SPMIP2: variants seen among roughly 807,000 people sequenced by gnomAD.
The protein encoded by SPMIP2 is sperm microtubule inner protein 2, also known as protein SPMIP2.
At chr4:159,054,208 C>G in the SPMIP2 span, among the ~76,000 whole-genome samples, 6 of 151,808 alleles carry the variant, frequency 4.0e-5, no homozygotes, top group Non-Finnish European at 7.4e-5. Flanking sequence ...TTCTTGAACT[C>G]CTGTCCTCAG....
the SPMIP2 span, among the ~76,000 whole-genome samples, chr4:158,924,383 GT>G: frequency 6.6e-6 from 1 of 152,072 alleles, no homozygotes; most frequent in Non-Finnish European, 1.5e-5. Flanking sequence ...GTTTTTGTTT[GT>G]TTTTTGTTTT....
chr4:158,964,683 C>T, the SPMIP2 span, among the ~76,000 whole-genome samples: 1 of 152,178 alleles, frequency 6.6e-6, no homozygotes. Context: ...AGTCCGTGTT[C>T]ACACTGCTGT....
the SPMIP2 span, among the ~76,000 whole-genome samples, chr4:158,937,105 G>A: frequency 2.0e-5 from 3 of 152,190 alleles, no homozygotes; most frequent in Non-Finnish European, 4.4e-5. Flanking sequence ...TTATTTCTCA[G>A]ACATTAATCT....
the SPMIP2 span, chr4:158,906,209 T>A: frequency 6.6e-6 from 1 of 152,192 alleles, no homozygotes; most frequent in Non-Finnish European, 1.5e-5. Context: ...CATTGTTTGC[T>A]GTTGTGTTAC....
chr4:158,959,407 G>A, the SPMIP2 span, among the ~76,000 whole-genome samples: 3 of 150,580 alleles, frequency 2.0e-5, no homozygotes, highest in African/African-American at 7.3e-5. Flanking sequence ...AATATGGTAC[G>A]TGTTTAATAA....
chr4:159,046,972 G>A, the SPMIP2 span, among the ~76,000 whole-genome samples: 1 of 152,120 alleles, frequency 6.6e-6, no homozygotes, highest in African/African-American at 2.4e-5. Flanking sequence ...TAAGAGGTGT[G>A]GTAAGGCGGG....
At chr4:159,007,924 C>T in the SPMIP2 span, 1 of 411,492 alleles carries the variant, frequency 2.4e-6, no homozygotes. Flanking sequence ...ATGTAGTTAT[C>T]AGTAAAATGT....
At chr4:158,926,329 T>A in the SPMIP2 span, among the ~76,000 whole-genome samples, 1 of 152,148 alleles carries the variant, frequency 6.6e-6, no homozygotes, top group East Asian at 1.9e-4. Context: ...TTGATAGCTA[T>A]ACATTTCTCT....
At chr4:158,999,911 G>C in the SPMIP2 span, among the ~76,000 whole-genome samples, 13 of 152,168 alleles carry the variant, frequency 8.5e-5, no homozygotes, top group African/African-American at 3.1e-4. Flanking sequence ...ATAATAGAAA[G>C]AGCACTTGAA....
the SPMIP2 span, chr4:158,895,823 G>T: frequency 1.9e-6 from 3 of 1,613,300 alleles, no homozygotes; most frequent in Non-Finnish European, 2.5e-6. Flanking sequence ...TATCTCCGGG[G>T]ACACACACGA....
At chr4:158,975,095 T>C in the SPMIP2 span, among the ~76,000 whole-genome samples, 1 of 152,234 alleles carries the variant, frequency 6.6e-6, no homozygotes, top group East Asian at 1.9e-4. Flanking sequence ...GTTGGTCACA[T>C]ATATGTCTTC....
At chr4:159,061,992 G>A in the SPMIP2 span, among the ~76,000 whole-genome samples, 1 of 152,172 alleles carries the variant, frequency 6.6e-6, no homozygotes, top group African/African-American at 2.4e-5. Flanking sequence ...AGTGACCAGA[G>A]AAACCAGCAG....
the SPMIP2 span, among the ~76,000 whole-genome samples, chr4:159,055,374 C>T: frequency 1.3e-5 from 2 of 152,130 alleles, no homozygotes; most frequent in Admixed American, 1.3e-4. Context: ...GAAGCTTTAG[C>T]ATTTGTAGTC....
the SPMIP2 span, among the ~76,000 whole-genome samples, chr4:158,989,095 C>A: frequency 6.6e-6 from 1 of 152,062 alleles, no homozygotes; most frequent in African/African-American, 2.4e-5. Flanking sequence ...CAATAACAGA[C>A]AAACAGACAG....
the SPMIP2 span, among the ~76,000 whole-genome samples, chr4:158,941,112 G>T: frequency 6.6e-6 from 1 of 151,814 alleles, no homozygotes; most frequent in Non-Finnish European, 1.5e-5. Flanking sequence ...AGAGAATAGC[G>T]CCAGAAAAAA....
the SPMIP2 span, among the ~76,000 whole-genome samples, chr4:158,932,130 T>G: frequency 6.6e-6 from 1 of 152,052 alleles, no homozygotes; most frequent in Admixed American, 6.6e-5. Flanking sequence ...GTACAATTTG[T>G]TTTTCTTTGC....
chr4:158,956,259 G>C, the SPMIP2 span, among the ~76,000 whole-genome samples: 4 of 152,180 alleles, frequency 2.6e-5, no homozygotes, highest in Non-Finnish European at 5.9e-5. Context: ...TCATTTGTAG[G>C]GCCCTTTTAA....
the SPMIP2 span, among the ~76,000 whole-genome samples, chr4:159,048,541 C>G: frequency 6.6e-6 from 1 of 151,968 alleles, no homozygotes; most frequent in Non-Finnish European, 1.5e-5. Flanking sequence ...TGGACGTAAC[C>G]TAGAGCCACC....
the SPMIP2 span, chr4:158,906,911 C>CA: frequency 6.6e-6 from 1 of 152,334 alleles, no homozygotes; most frequent in Non-Finnish European, 1.5e-5. Context: ...AAAGGGACCC[C>CA]ACTTGCTCCC....
Sources: gnomAD v4.1 joint callset for allele counts (sites outside exome capture counted in the v4.1 genomes callset) on GRCh38, gnomAD v4.1.1 for gene constraint, MANE v1.5 for transcripts, NCBI Gene and HGNC (gene_info 2026-07-23, HGNC 2026-07-21) for gene names.